The following PTPRD variants were observed in gnomAD, a reference collection of about 807,000 sequenced individuals.
PTPRD encodes receptor-type tyrosine-protein phosphatase delta.
A neutral mutation model predicts 214.5 loss-of-function variants in PTPRD; 34 were observed. That is an observed-to-expected ratio of 0.16 (90% CI 0.12 to 0.21). The LOEUF (loss-of-function observed/expected upper bound fraction) is 0.21, where lower values mean the gene tolerates loss of function less well. PTPRD is among the 10% of genes least tolerant of loss of function. The pLI, the probability that PTPRD is intolerant of heterozygous loss-of-function variation, is 1.00. For synonymous variants in PTPRD, 1,128 were observed against 845.7 expected (o/e 1.33, Z -5.79); for missense variants, 2,545 against 2,398.7 (o/e 1.06, Z -1.27).
At chr9:8,717,002 C>T (rs1355946449) in intron 12 of PTPRD, among the ~76,000 whole-genome samples, 5 of 151,928 alleles carry the variant, frequency 3.3e-5, no homozygotes, top group African/African-American at 1.2e-4. Context: ...CCCTTGTCTA[C>T]AAAATAATAC....
chr9:10,439,190 T>C (rs909511674), intron 2 of PTPRD, among the ~76,000 whole-genome samples: 1 of 151,696 alleles, frequency 6.6e-6, no homozygotes, highest in Admixed American at 6.6e-5. Context: ...TACAGAGACC[T>C]TCGTTCAGAC....
At chr9:8,735,544 A>C (rs1289532140) in intron 11 of PTPRD, among the ~76,000 whole-genome samples, 1 of 152,162 alleles carries the variant, frequency 6.6e-6, no homozygotes, top group Non-Finnish European at 1.5e-5. Flanking sequence ...CAGAGACCAC[A>C]CTTTGAGAAC....
chr9:9,129,824 A>G (rs2099839869), intron 10 of PTPRD, among the ~76,000 whole-genome samples: 1 of 152,200 alleles, frequency 6.6e-6, no homozygotes, highest in Non-Finnish European at 1.5e-5. Flanking sequence ...GGATTTATTT[A>G]TACTCAAGGC....
At position 10,366,498 on chromosome 9, in the gene PTPRD, C is replaced by G. The variant is rs2097520115; in HGVS notation, c.-599-25481G>C. On this transcript the variant is annotated intron_variant, in intron 2 of 45. Coordinates refer to ENST00000381196, the MANE Select transcript of PTPRD (RefSeq NM_002839.4). ...GCACACTATACCAGACAAAGTGGAT[C>G]TTGAGATAAGCAAAATATAGAGATG... 2.6e-5 allele frequency among the ~76,000 whole-genome samples: 4 copies of G among 152,088 alleles called. 1 individual carries two copies. Among genetic ancestry groups the G allele is most frequent in the Admixed American group, 2.6e-4 (4 of 15,254 alleles).
At chr9:9,414,831 G>C (rs1041104488) in intron 8 of PTPRD, 12 of 152,134 alleles carry the variant, frequency 7.9e-5, no homozygotes, top group African/African-American at 2.9e-4. Flanking sequence ...TTTCTATGGA[G>C]TTGAATGGAA....
intron 3 of PTPRD, among the ~76,000 whole-genome samples, chr9:10,159,827 T>A (rs541088196): frequency 6.6e-6 from 1 of 151,866 alleles, no homozygotes; most frequent in African/African-American, 2.4e-5. Context: ...AAAAAAAGAT[T>A]GAAAATTAAG....
chr9:9,217,184 C>T (rs1482174553), intron 9 of PTPRD, among the ~76,000 whole-genome samples: 2 of 152,088 alleles, frequency 1.3e-5, no homozygotes, highest in African/African-American at 4.8e-5. Flanking sequence ...GCAACTCTGT[C>T]TCTTCCTAAT....
chr9:8,428,539 G>C (rs1368433423), intron 35 of PTPRD, among the ~76,000 whole-genome samples: 1 of 152,118 alleles, frequency 6.6e-6, no homozygotes, highest in Non-Finnish European at 1.5e-5. Context: ...AGAAATGGAA[G>C]AGTCTATTCC....
intron 2 of PTPRD, among the ~76,000 whole-genome samples, chr9:10,524,721 G>A (rs940417709): frequency 2.0e-5 from 3 of 151,934 alleles, no homozygotes; most frequent in African/African-American, 2.4e-5. Context: ...CCCTAGTAAC[G>A]TATAATCTCA....
intron 3 of PTPRD, among the ~76,000 whole-genome samples, chr9:10,040,861 C>T (rs531309581): frequency 1.3e-5 from 2 of 152,078 alleles, no homozygotes; most frequent in South Asian, 4.1e-4. Flanking sequence ...GCAATATGTG[C>T]TATTTGAAAA....
chr9:10,439,869 G>C (rs1305570689), intron 2 of PTPRD, among the ~76,000 whole-genome samples: 1 of 151,496 alleles, frequency 6.6e-6, no homozygotes, highest in Admixed American at 6.6e-5. Context: ...CATTTACACT[G>C]TACTGTTTAT....
At chr9:9,906,388 T>A (rs767576454) in intron 5 of PTPRD, among the ~76,000 whole-genome samples, 6 of 151,916 alleles carry the variant, frequency 3.9e-5, no homozygotes, top group Non-Finnish European at 7.4e-5. Context: ...TTATTTTATA[T>A]AGACTACACT....
intron 9 of PTPRD, among the ~76,000 whole-genome samples, chr9:9,217,536 G>C (rs1011835403): frequency 6.6e-6 from 1 of 152,018 alleles, no homozygotes; most frequent in Non-Finnish European, 1.5e-5. Flanking sequence ...GGAGTATATT[G>C]GCTATGTCGG....
chr9:9,690,010 G>C lies in PTPRD; in HGVS notation c.-287+44523C>G, dbSNP rs558277912. On this transcript the variant is annotated intron_variant, in intron 7 of 45. Coordinates refer to ENST00000381196, the MANE Select transcript of PTPRD (RefSeq NM_002839.4). ...CTTTTGGATGTATATCCAGTTATCGGCTCCATATACTGGGTTATATAGCAG... is the reference window on the plus strand; with the variant it reads ...CTTTTGGATGTATATCCAGTTATCGCCTCCATATACTGGGTTATATAGCAG... Among the ~76,000 whole-genome samples the C allele has an allele frequency of 2.0e-5, 3 of 151,782 alleles. No individual in the cohort carries two copies. The East Asian group carries it at 5.8e-4, about 29-fold the overall frequency.
At chr9:10,004,797 A>G (rs540635448) in intron 4 of PTPRD, among the ~76,000 whole-genome samples, 12 of 152,270 alleles carry the variant, frequency 7.9e-5, no homozygotes, top group African/African-American at 2.9e-4. Context: ...AGTGTATTCA[A>G]TAAATAATGC....
At chr9:10,294,721 C>A (rs1399788727) in intron 3 of PTPRD, among the ~76,000 whole-genome samples, 2 of 151,914 alleles carry the variant, frequency 1.3e-5, no homozygotes, top group Non-Finnish European at 2.9e-5. Context: ...AATTATGTAG[C>A]TAGAATGTAT....
intron 36 of PTPRD, among the ~76,000 whole-genome samples, chr9:8,392,868 T>G (rs1456850175): frequency 6.6e-6 from 1 of 152,034 alleles, no homozygotes; most frequent in Non-Finnish European, 1.5e-5. Flanking sequence ...TGCAGAAAGA[T>G]GAAGGAGAAA....
intron 3 of PTPRD, among the ~76,000 whole-genome samples, chr9:10,188,429 T>C (rs2099347564): frequency 6.6e-6 from 1 of 152,200 alleles, no homozygotes; most frequent in African/African-American, 2.4e-5. Context: ...TCCTTTATAG[T>C]TGTCTTTCCT....
chr9:9,279,979 T>G (rs544741325), intron 9 of PTPRD, among the ~76,000 whole-genome samples: 1 of 151,440 alleles, frequency 6.6e-6, no homozygotes, highest in East Asian at 2.0e-4. Flanking sequence ...AAAATTTAAT[T>G]GACTGTTTCT....
Sources: gnomAD v4.1 joint callset for allele counts (sites outside exome capture counted in the v4.1 genomes callset) on GRCh38, gnomAD v4.1.1 for gene constraint, MANE v1.5 for transcripts, NCBI Gene and HGNC (gene_info 2026-07-23, HGNC 2026-07-21) for gene names.